The following PCBD1 variants were observed in gnomAD, a reference collection of about 807,000 sequenced individuals.
PCBD1 encodes pterin-4 alpha-carbinolamine dehydratase 1.
A neutral mutation model predicts 12.6 loss-of-function variants in PCBD1; 16 were observed. The ratio of observed to expected loss-of-function variants is 1.27; its 90% CI spans 0.86 to 1.93. PCBD1 has a LOEUF of 1.93. PCBD1 is among the 30% of genes most tolerant of loss of function. The pLI, the probability that PCBD1 is intolerant of heterozygous loss-of-function variation, is 0.00. For missense variants in PCBD1, 86 were observed against 130.1 expected (o/e 0.66, Z 1.65); for synonymous variants, 53 against 50.2 (o/e 1.05, Z -0.23).
chr10:70,883,750 G>T lies in PCBD1; in HGVS notation c.*200C>A. ...TGTAACAGAGCCCCCAGGATGAAGAGAGTGGTGCAGGGAAAAGGTCTAAAT... is the reference window on the plus strand; with the variant it reads ...TGTAACAGAGCCCCCAGGATGAAGATAGTGGTGCAGGGAAAAGGTCTAAAT... On this transcript the variant is annotated 3_prime_UTR_variant, in exon 4 of 4. Coordinates refer to ENST00000299299, the MANE Select transcript of PCBD1 (RefSeq NM_000281.4). 1 of 1,459,160 alleles carries T rather than the reference G, an allele frequency of 6.9e-7. No individual in the cohort carries two copies. The highest frequency in any genetic ancestry group is 2.6e-5 in the East Asian group (1 of 39,160). The allele number at this position is 1,459,160 out of a possible 1,614,324, so 90.4% of individuals were successfully genotyped here. A position where few individuals can be genotyped will look rare whatever the true frequency, so the allele number is the denominator to read the frequency against.
intron 1 of PCBD1, chr10:70,888,163 C>T (rs1046868609): frequency 9.7e-6 from 2 of 207,184 alleles, no homozygotes; most frequent in Non-Finnish European, 1.9e-5. Flanking sequence ...TCGCTCCCAC[C>T]CCAGTATAAA....
intron 3 of PCBD1, among the ~76,000 whole-genome samples, chr10:70,884,826 A>G (rs1846557313): frequency 2.0e-5 from 3 of 152,146 alleles, no homozygotes; most frequent in Non-Finnish European, 2.9e-5. Flanking sequence ...TAGAGCTATG[A>G]ACACTGAATA....
chr10:70,883,115 A>G (rs1303892594), downstream of PCBD1, among the ~76,000 whole-genome samples: 1 of 152,182 alleles, frequency 6.6e-6, no homozygotes, highest in East Asian at 1.9e-4. Context: ...ATCTGTGTTC[A>G]TGGTGTTCTC....
At chr10:70,886,270 G>A (rs1208787710) in intron 1 of PCBD1, among the ~76,000 whole-genome samples, 1 of 152,202 alleles carries the variant, frequency 6.6e-6, no homozygotes, top group African/African-American at 2.4e-5. Context: ...TTCCCTCCAT[G>A]AGATTATTAC....
chr10:70,883,877 C>T lies in PCBD1; in HGVS notation c.*73G>A. The T allele has an allele frequency of 6.4e-7, 1 of 1,561,808 alleles. No individual in the cohort carries two copies. The highest frequency in any genetic ancestry group is 1.2e-5 in the South Asian group (1 of 85,034). ...GGGGAGTGGTGGGAGGGTAAGGGCT[C>T]CTCAGCTCCCTCCCTGGACTCCCAG... On this transcript the variant is annotated 3_prime_UTR_variant, in exon 4 of 4. Transcript: ENST00000299299.
At chr10:70,886,856 G>A (rs1846592410) in intron 1 of PCBD1, among the ~76,000 whole-genome samples, 1 of 152,230 alleles carries the variant, frequency 6.6e-6, no homozygotes, top group Non-Finnish European at 1.5e-5. Context: ...GAACCTCAGA[G>A]AAAGCAAGGA....
chr10:70,886,069 A>G lies in PCBD1; in HGVS notation c.4-140T>C, dbSNP rs58797310. The G allele has an allele frequency of 0.04, 46,684 of 1,177,682 alleles. 1,296 individuals are homozygous for G. The highest frequency in any genetic ancestry group is 0.13 in the African/African-American group (8,367 of 65,990). The allele number at this position is 1,177,682 out of a possible 1,614,324, so 73.0% of individuals were successfully genotyped here. A position where few individuals can be genotyped will look rare whatever the true frequency, so the allele number is the denominator to read the frequency against. The stretch of plus-strand genomic sequence containing the variant: ...CCAAAGGGCAGCAGGTCTTTGAGCA[A>G]TAGGCTGGGAGGCCTCAAGGGTGGC... On this transcript the variant is annotated intron_variant, in intron 1 of 3. Coordinates refer to ENST00000299299, the MANE Select transcript of PCBD1 (RefSeq NM_000281.4).
chr10:70,883,929 T>C lies in PCBD1; in HGVS notation c.*21A>G, dbSNP rs1342848810. 5 of 1,610,340 alleles carry C rather than the reference T, an allele frequency of 3.1e-6. No homozygotes were observed. The highest frequency in any genetic ancestry group is 1.7e-5 in the Admixed American group (1 of 59,598). On this transcript the variant is annotated 3_prime_UTR_variant, in exon 4 of 4. Transcript: ENST00000299299. ...TCAGTCACCCCTTCCCCCGGAAGAA[T>C]TCAAAGAGGAAGGGCAGGGTCTATG...
intron 3 of PCBD1, among the ~76,000 whole-genome samples, chr10:70,884,508 G>A (rs1413992249): frequency 7.4e-6 from 1 of 134,942 alleles, no homozygotes; most frequent in Non-Finnish European, 1.6e-5. Context: ...TTGAGACGGA[G>A]TCTTGCTCTG....
intron 1 of PCBD1, among the ~76,000 whole-genome samples, chr10:70,886,670 G>T (rs1160283677): frequency 6.6e-6 from 1 of 152,222 alleles, no homozygotes; most frequent in Non-Finnish European, 1.5e-5. Context: ...GTCCTGAGCC[G>T]CCAGGGCTAG....
At position 70,885,179 on chromosome 10, in the gene PCBD1, A is replaced by G. The variant is rs746426578; in HGVS notation, c.189T>C (p.His63=). The part of the protein sequence containing the change: ...VALQAEKLDH[H]PEWFNVYNKV... ...TGTTGTACACGTTAAACCATTCAGG[A>G]TGGTGGTCCAGTTTCTCAGCCTGCA... Residue 63 remains histidine, a synonymous_variant, in exon 3 of 4, where the codon CAT becomes CAC. Transcript: ENST00000299299. 1.1e-5 allele frequency: 18 copies of G among 1,614,024 alleles called. No individual in the cohort carries two copies. The highest frequency in any genetic ancestry group is 3.3e-4 in the Middle Eastern group (2 of 5,992).
At chr10:70,887,469 CCTT>C (rs1404886708) in intron 1 of PCBD1, among the ~76,000 whole-genome samples, 1 of 152,202 alleles carries the variant, frequency 6.6e-6, no homozygotes, top group Non-Finnish European at 1.5e-5. Context: ...CCAGAGCTGG[CCTT>C]CTCCCCGTGG....
chr10:70,885,338 G>A (rs1272442305), intron 2 of PCBD1, 106 bp from the exon 3 acceptor site: 31 of 796,484 alleles, frequency 3.9e-5, no homozygotes, highest in Non-Finnish European at 6.1e-5. Context: ...TTCCCCCCAG[G>A]AGACTCCTCT....
chr10:70,886,697 G>T (rs534726210), intron 1 of PCBD1, among the ~76,000 whole-genome samples: 9 of 152,354 alleles, frequency 5.9e-5, no homozygotes, highest in African/African-American at 2.2e-4. Context: ...CTGGTTTTCC[G>T]TCTGCTTTTC....
intron 3 of PCBD1, among the ~76,000 whole-genome samples, chr10:70,884,436 AT>A (rs1170135792): frequency 1.3e-5 from 2 of 149,348 alleles, no homozygotes; most frequent in African/African-American, 4.9e-5. Flanking sequence ...GACTGTTTCT[AT>A]TCATTAAGCA....
chr10:70,887,482 G>A (rs941320841), intron 1 of PCBD1, among the ~76,000 whole-genome samples: 1 of 152,166 alleles, frequency 6.6e-6, no homozygotes, highest in Admixed American at 6.5e-5. Flanking sequence ...TCTCCCCGTG[G>A]CTGACCGCCT....
chr10:70,883,391 G>A (rs550478057), downstream of PCBD1: 32 of 334,834 alleles, frequency 9.6e-5, no homozygotes, highest in African/African-American at 5.1e-4. Context: ...TCTGGTCCCT[G>A]TCATTTTCCA....
At chr10:70,884,456 G>T (rs1372068684) in intron 3 of PCBD1, among the ~76,000 whole-genome samples, 1 of 148,540 alleles carries the variant, frequency 6.7e-6, no homozygotes, top group Non-Finnish European at 1.5e-5. Flanking sequence ...CAAATAATTT[G>T]ATAGGTTGGC....
intron 3 of PCBD1, among the ~76,000 whole-genome samples, 189 bp downstream of exon 3, chr10:70,884,962 AT>A (rs149984252): frequency 6.6e-6 from 1 of 151,214 alleles, no homozygotes; most frequent in Non-Finnish European, 1.5e-5. Context: ...AGTAAGACTG[AT>A]TTTTTTTTCC....
Sources: allele counts gnomAD v4.1 joint callset (sites outside exome capture counted in the v4.1 genomes callset), GRCh38; gene constraint gnomAD v4.1.1; transcripts MANE v1.5; gene names NCBI Gene and HGNC (gene_info 2026-07-23, HGNC 2026-07-21).